The following QTMAN variants were observed in gnomAD, a reference collection of about 807,000 sequenced individuals.
QTMAN encodes queuosine-tRNA mannosyltransferase.
At chr2:144,082,963 T>C in the QTMAN span, among the ~76,000 whole-genome samples, 3 of 152,096 alleles carry the variant, frequency 2.0e-5, no homozygotes, top group Admixed American at 1.3e-4. Context: ...TGTTTGCCTT[T>C]GGTTTTTAAG....
At chr2:143,982,850 T>C in the QTMAN span, among the ~76,000 whole-genome samples, 1 of 116,132 alleles carries the variant, frequency 8.6e-6, no homozygotes, top group Admixed American at 9.7e-5. Context: ...CAAGACTCTG[T>C]CTCAAAAAAA....
At chr2:144,292,857 T>A in the QTMAN span, among the ~76,000 whole-genome samples, 2 of 152,176 alleles carry the variant, frequency 1.3e-5, no homozygotes, top group African/African-American at 4.8e-5. Flanking sequence ...ATAAACCTTG[T>A]CACTTTATTT....
At chr2:144,117,047 C>T in the QTMAN span, among the ~76,000 whole-genome samples, 3 of 152,122 alleles carry the variant, frequency 2.0e-5, no homozygotes, top group Admixed American at 6.5e-5. Flanking sequence ...TGGTGAATAC[C>T]GGTCTCTATT....
chr2:143,953,393 T>TC, the QTMAN span, among the ~76,000 whole-genome samples: 1 of 151,860 alleles, frequency 6.6e-6, no homozygotes, highest in Non-Finnish European at 1.5e-5. Flanking sequence ...GTAAAACTCT[T>TC]CCCCCTTTTG....
the QTMAN span, among the ~76,000 whole-genome samples, chr2:143,970,228 A>AT: frequency 6.6e-6 from 1 of 152,210 alleles, no homozygotes; most frequent in Non-Finnish European, 1.5e-5. Context: ...TCCATTCCAC[A>AT]TTACAAGTTA....
chr2:143,968,342 G>C, the QTMAN span, among the ~76,000 whole-genome samples: 1 of 152,172 alleles, frequency 6.6e-6, no homozygotes, highest in East Asian at 1.9e-4. Flanking sequence ...CCCTGAGGGG[G>C]AAACTGAGTG....
chr2:144,013,057 G>A, the QTMAN span, among the ~76,000 whole-genome samples: 1 of 152,082 alleles, frequency 6.6e-6, no homozygotes, highest in Non-Finnish European at 1.5e-5. Flanking sequence ...CTGATTCCAT[G>A]GGACACATGT....
At chr2:143,939,149 T>C in the QTMAN span, 17 of 152,350 alleles carry the variant, frequency 1.1e-4, no homozygotes, top group East Asian at 3.3e-3. Flanking sequence ...CTTTTTGGCT[T>C]TCTCCTTCTG....
At chr2:144,071,842 T>A in the QTMAN span, among the ~76,000 whole-genome samples, 30 of 152,178 alleles carry the variant, frequency 2.0e-4, no homozygotes, top group African/African-American at 6.5e-4. Context: ...ATCAAACAAA[T>A]CTTTTTCAGA....
chr2:144,204,297 C>T, the QTMAN span, among the ~76,000 whole-genome samples: 3 of 151,870 alleles, frequency 2.0e-5, no homozygotes, highest in East Asian at 3.9e-4. Flanking sequence ...AACAAATTTA[C>T]AAGAAAAAAA....
At chr2:144,265,936 A>G in the QTMAN span, among the ~76,000 whole-genome samples, 1 of 152,206 alleles carries the variant, frequency 6.6e-6, no homozygotes, top group Non-Finnish European at 1.5e-5. Flanking sequence ...CACCTCTCCA[A>G]CAAGGCCCAC....
chr2:144,008,217 G>A, the QTMAN span, among the ~76,000 whole-genome samples: 2 of 151,996 alleles, frequency 1.3e-5, no homozygotes, highest in Non-Finnish European at 2.9e-5. Context: ...GGAGCTCACC[G>A]TCTATTGGAA....
the QTMAN span, among the ~76,000 whole-genome samples, chr2:144,199,408 T>C: frequency 6.6e-6 from 1 of 152,154 alleles, no homozygotes; most frequent in Admixed American, 6.6e-5. Flanking sequence ...TCTGTGTGAG[T>C]TCTACAGTAA....
At chr2:144,230,124 T>C in the QTMAN span, 1 of 152,178 alleles carries the variant, frequency 6.6e-6, no homozygotes. Context: ...GGTCCCTATA[T>C]GATATGAAGT....
At chr2:144,037,687 T>C in the QTMAN span, among the ~76,000 whole-genome samples, 3 of 152,234 alleles carry the variant, frequency 2.0e-5, no homozygotes, top group African/African-American at 4.8e-5. Flanking sequence ...TCTCAAAATA[T>C]AGTAAAGTAC....
chr2:144,227,549 G>A, the QTMAN span, among the ~76,000 whole-genome samples: 1 of 151,970 alleles, frequency 6.6e-6, no homozygotes, highest in East Asian at 1.9e-4. Flanking sequence ...ATTCATTCAA[G>A]AAGGGATTAT....
At chr2:144,127,006 C>G in the QTMAN span, among the ~76,000 whole-genome samples, 1 of 151,972 alleles carries the variant, frequency 6.6e-6, no homozygotes, top group Non-Finnish European at 1.5e-5. Flanking sequence ...CATACTCTCT[C>G]TTTTTAGAAC....
At chr2:144,253,487 C>T in the QTMAN span, among the ~76,000 whole-genome samples, 4 of 152,156 alleles carry the variant, frequency 2.6e-5, no homozygotes, top group African/African-American at 7.2e-5. Flanking sequence ...TGTTGAATGT[C>T]TTTGGCCAAA....
the QTMAN span, among the ~76,000 whole-genome samples, chr2:143,972,599 T>C: frequency 6.6e-6 from 1 of 152,214 alleles, no homozygotes; most frequent in African/African-American, 2.4e-5. Context: ...TCAGTGTTTT[T>C]ATACAAGATA....
Sources: allele counts gnomAD v4.1 joint callset (sites outside exome capture counted in the v4.1 genomes callset), GRCh38; gene constraint gnomAD v4.1.1; transcripts MANE v1.5; gene names NCBI Gene and HGNC (gene_info 2026-07-23, HGNC 2026-07-21).